TEAD1: variants seen among roughly 807,000 people sequenced by gnomAD.
The protein encoded by TEAD1 is TEA domain transcription factor 1, also known as transcriptional enhancer factor TEF-1.
TEAD1 carries 9 observed loss-of-function variants against 54.9 expected under a neutral mutation model. That is an observed-to-expected ratio of 0.16 (90% CI 0.10 to 0.29). The LOEUF is 0.29. TEAD1 is among the 10% of genes least tolerant of loss of function. The pLI is 1.00. For missense variants in TEAD1, 387 were observed against 535.9 expected, an observed-to-expected ratio of 0.72 and a Z score of 2.74; for synonymous variants, 200 against 187.8, an observed-to-expected ratio of 1.07 and a Z score of -0.53.
chr11:12,719,181 G>T (rs1364861038), intron 2 of TEAD1, among the ~76,000 whole-genome samples: 1 of 152,020 alleles, frequency 6.6e-6, no homozygotes, highest in Non-Finnish European at 1.5e-5. Context: ...GTGTTTAGCT[G>T]ACTCTGACCA....
chr11:12,880,966 A>G (rs1434729708), intron 6 of TEAD1, 39 bp from the exon 7 acceptor site: 1 of 1,613,006 alleles, frequency 6.2e-7, no homozygotes, highest in Non-Finnish European at 8.5e-7. Context: ...GCTTTGAAGT[A>G]AACTCGTAAT....
At chr11:12,744,784 A>G (rs1183012669) in intron 2 of TEAD1, among the ~76,000 whole-genome samples, 1 of 152,152 alleles carries the variant, frequency 6.6e-6, no homozygotes, top group Non-Finnish European at 1.5e-5. Flanking sequence ...TGGAGGTTGT[A>G]TTTATCTCTT....
intron 3 of TEAD1, among the ~76,000 whole-genome samples, chr11:12,834,268 A>G (rs1424937889): frequency 5.9e-5 from 9 of 152,212 alleles, no homozygotes; most frequent in Non-Finnish European, 4.4e-5. Flanking sequence ...TGATTTACTT[A>G]GACTATTCTT....
rs1207505716 is a variant in TEAD1, at chr11:12,879,779, T to A, written c.402T>A (p.Thr134=). 1.2e-6 allele frequency: 2 copies of A among 1,614,186 alleles called. No individual in the cohort carries two copies. Among genetic ancestry groups the A allele is most frequent in the Non-Finnish European group, 1.7e-6 (2 of 1,180,034 alleles). Reference sequence around the variant, plus strand: ...CCTCAGCCCAGATCGTCTCGGCCACTGCCATTCATAACAAGCTGGGGCTGC... The same window carrying A: ...CCTCAGCCCAGATCGTCTCGGCCACAGCCATTCATAACAAGCTGGGGCTGC... Residue 134 remains threonine, a synonymous_variant, in exon 6 of 13, where the codon ACT becomes ACA. Transcript: ENST00000527636.
chr11:12,849,925 T>G (rs938764031), intron 3 of TEAD1, among the ~76,000 whole-genome samples: 1 of 152,192 alleles, frequency 6.6e-6, no homozygotes, highest in Non-Finnish European at 1.5e-5. Context: ...TGGAAACAAT[T>G]TTTAGGACCA....
At chr11:12,780,140 T>C (rs1254632739) in intron 3 of TEAD1, among the ~76,000 whole-genome samples, 1 of 152,102 alleles carries the variant, frequency 6.6e-6, no homozygotes, top group Non-Finnish European at 1.5e-5. Context: ...TGATCTTGTA[T>C]GTAGCTAAAA....
chr11:12,907,091 T>G (rs965050391), intron 10 of TEAD1, among the ~76,000 whole-genome samples: 1 of 152,218 alleles, frequency 6.6e-6, no homozygotes, highest in Non-Finnish European at 1.5e-5. Flanking sequence ...CTTTTTTATG[T>G]GGTTGTACCA....
intron 4 of TEAD1, among the ~76,000 whole-genome samples, chr11:12,864,161 A>G (rs1947564644): frequency 6.6e-6 from 1 of 151,936 alleles, no homozygotes; most frequent in Non-Finnish European, 1.5e-5. Context: ...AACGTTTGCT[A>G]CAGAATCCAG....
At position 12,937,336 on chromosome 11, in the gene TEAD1, G is replaced by GC. The variant is rs1949119612; in HGVS notation, c.*117dup. ...TGTAAACCTCACCACACAGGGTGGTGCCCTGGCCCCGAGGTCACCCCGACT... is the reference window on the plus strand; with the variant it reads ...TGTAAACCTCACCACACAGGGTGGTGCCCCTGGCCCCGAGGTCACCCCGACT... On this transcript the variant is annotated 3_prime_UTR_variant, in exon 13 of 13. Transcript: ENST00000527636. 2 of 918,400 alleles carry GC rather than the reference G, an allele frequency of 2.2e-6. No individual in the cohort carries two copies. Among genetic ancestry groups the GC allele is most frequent in the Non-Finnish European group, 3.4e-6 (2 of 587,562 alleles). The allele number at this position is 918,400 out of a possible 1,614,324, so 56.9% of individuals were successfully genotyped here. A position where few individuals can be genotyped will look rare whatever the true frequency, so the allele number is the denominator to read the frequency against.
chr11:12,841,795 A>G (rs1273158157), intron 3 of TEAD1, among the ~76,000 whole-genome samples: 1 of 152,178 alleles, frequency 6.6e-6, no homozygotes, highest in Non-Finnish European at 1.5e-5. Flanking sequence ...ATTATAGGGT[A>G]TGAGACCTTT....
chr11:12,874,801 G>A (rs1285943555), intron 5 of TEAD1, among the ~76,000 whole-genome samples: 1 of 152,112 alleles, frequency 6.6e-6, no homozygotes, highest in East Asian at 1.9e-4. Context: ...TGCATTGCAG[G>A]TCATGGGCTT....
chr11:12,878,812 T>C (rs11022528), intron 5 of TEAD1: 156,818 of 770,426 alleles, frequency 0.2, 13,329 homozygotes, highest in South Asian at 0.25. Context: ...TATATATATG[T>C]TTTTTTTTTA....
intron 6 of TEAD1, among the ~76,000 whole-genome samples, chr11:12,880,371 A>G (rs972371217): frequency 5.3e-5 from 8 of 152,242 alleles, no homozygotes; most frequent in Non-Finnish European, 1.2e-4. Context: ...TGCAGATGAA[A>G]AAGCTGAGGT....
At chr11:12,875,263 T>C (rs1487644270) in intron 5 of TEAD1, among the ~76,000 whole-genome samples, 1 of 152,222 alleles carries the variant, frequency 6.6e-6, no homozygotes, top group Non-Finnish European at 1.5e-5. Context: ...GTAGTGAGGA[T>C]AGAGTCGAAT....
chr11:12,756,609 C>T (rs1944988108), intron 2 of TEAD1, among the ~76,000 whole-genome samples: 1 of 152,204 alleles, frequency 6.6e-6, no homozygotes, highest in Non-Finnish European at 1.5e-5. Context: ...ATTAATTAGA[C>T]TGTCCTTGAT....
intron 3 of TEAD1, among the ~76,000 whole-genome samples, chr11:12,861,205 C>T (rs879172969): frequency 1.3e-5 from 2 of 152,172 alleles, no homozygotes; most frequent in East Asian, 1.9e-4. Context: ...TTTTATTTCA[C>T]GTGGTATTTT....
chr11:12,849,650 AG>A (rs1947227795), intron 3 of TEAD1, among the ~76,000 whole-genome samples: 1 of 152,206 alleles, frequency 6.6e-6, no homozygotes, highest in African/African-American at 2.4e-5. Flanking sequence ...TTCTGGTGAT[AG>A]TTGTTTTTAC....
chr11:12,683,413 C>T (rs906489639), intron 2 of TEAD1, among the ~76,000 whole-genome samples: 3 of 151,952 alleles, frequency 2.0e-5, no homozygotes, highest in African/African-American at 7.3e-5. Context: ...GTTTTTTACA[C>T]GTTTATATTT....
At chr11:12,934,646 A>G (rs1949068743) in intron 12 of TEAD1, among the ~76,000 whole-genome samples, 1 of 152,028 alleles carries the variant, frequency 6.6e-6, no homozygotes, top group South Asian at 2.1e-4. Context: ...ACTTGAGTTT[A>G]AGACTTTATG....
Sources: gnomAD v4.1 joint callset for allele counts (sites outside exome capture counted in the v4.1 genomes callset) on GRCh38, gnomAD v4.1.1 for gene constraint, MANE v1.5 for transcripts, NCBI Gene and HGNC (gene_info 2026-07-23, HGNC 2026-07-21) for gene names.